The following SPATA7 variants were observed in gnomAD, a reference collection of about 807,000 sequenced individuals.
SPATA7 encodes the protein spermatogenesis-associated protein 7.
SPATA7 carries 43 observed loss-of-function variants against 51.8 expected under a neutral mutation model. That is an observed-to-expected ratio of 0.83 (90% CI 0.65 to 1.07). The LOEUF is 1.07. Among genes scored for constraint, SPATA7 ranks in the 50% least tolerant of loss-of-function variants. SPATA7 has a pLI of 0.00. For synonymous variants in SPATA7, 230 were observed against 252.8 expected (o/e 0.91, Z 0.86); for missense variants, 683 against 701.3 (o/e 0.97, Z 0.30).
At chr14:88,442,508 G>A (rs2077184389), downstream of SPATA7, among the ~76,000 whole-genome samples, 1 of 152,058 alleles carries the variant, frequency 6.6e-6, no homozygotes, top group African/African-American at 2.4e-5. Flanking sequence ...AAGGGATGCT[G>A]GATTTTGTCA....
At chr14:88,442,140 G>A (rs778855451), downstream of SPATA7, among the ~76,000 whole-genome samples, 15 of 151,700 alleles carry the variant, frequency 9.9e-5, no homozygotes, top group Non-Finnish European at 1.8e-4. Flanking sequence ...TACATTTCTG[G>A]GTTGTTTATT....
intron 10 of SPATA7, among the ~76,000 whole-genome samples, chr14:88,435,281 TTAA>T (rs1010054520): frequency 6.6e-5 from 10 of 152,176 alleles, no homozygotes; most frequent in African/African-American, 2.4e-4. Context: ...TTTAAATTTT[TTAA>T]TTATTTTTTA....
At chr14:88,428,633 T>G (rs1036748523) in intron 7 of SPATA7, 1 of 152,180 alleles carries the variant, frequency 6.6e-6, no homozygotes, top group Non-Finnish European at 1.5e-5. Context: ...TAGCTTGAAA[T>G]TTTTGGAAAG....
intron 4 of SPATA7, chr14:88,415,965 G>A (rs555276941): frequency 6.6e-6 from 1 of 152,274 alleles, no homozygotes; most frequent in African/African-American, 2.4e-5. Flanking sequence ...GCAAGATCTG[G>A]TTGTTTAAAA....
chr14:88,391,749 T>C (rs2075751944), intron 2 of SPATA7: 1 of 427,304 alleles, frequency 2.3e-6, no homozygotes, highest in South Asian at 2.1e-5. Flanking sequence ...ATACCTGCCT[T>C]GTTAAAATGG....
At chr14:88,451,088 A>G (rs763147903) in intron 3 of SPATA7, among the ~76,000 whole-genome samples, 8 of 152,226 alleles carry the variant, frequency 5.3e-5, no homozygotes, top group Admixed American at 2.0e-4. Flanking sequence ...GTTCAATTCT[A>G]TTGCTGAGAC....
At chr14:88,468,361 A>G (rs926973355) in intron 4 of SPATA7, 1 of 1,203,562 alleles carries the variant, frequency 8.3e-7, no homozygotes, top group African/African-American at 1.5e-5. Flanking sequence ...CCTGGTTGGG[A>G]GATGGACAGT....
intron 9 of SPATA7, 46 bp from the exon 10 acceptor site, chr14:88,433,089 T>A (rs751226805): frequency 1.4e-6 from 2 of 1,449,800 alleles, no homozygotes; most frequent in African/African-American, 1.4e-5. Context: ...GTTTTCAGAA[T>A]AAGTAAGGAA....
chr14:88,443,572 G>A (rs1248990603), intron 3 of SPATA7, among the ~76,000 whole-genome samples: 3 of 152,004 alleles, frequency 2.0e-5, no homozygotes, highest in African/African-American at 4.8e-5. Context: ...ATGCTGGTGC[G>A]CTGCACCCAC....
In SPATA7 at chr14:88,388,212, T is replaced by A. The variant is rs1347665206; in HGVS notation, c.19+2375T>A. Among the ~76,000 whole-genome samples, 6 of 152,020 alleles carry A rather than the reference T, an allele frequency of 3.9e-5. No individual in the cohort carries two copies. The East Asian group carries it at 9.7e-4, about 25-fold the overall frequency. On this transcript the variant is annotated intron_variant, in intron 1 of 11. Coordinates refer to ENST00000393545, the MANE Select transcript of SPATA7 (RefSeq NM_018418.5). Reference sequence around the variant, plus strand: ...GCAAGACTCCATCTCAAAAAAAAAATTGTTTTGATCTGTTGGTCTCATAGA... The same window carrying A: ...GCAAGACTCCATCTCAAAAAAAAAAATGTTTTGATCTGTTGGTCTCATAGA...
rs554860098 is a variant in SPATA7, at chr14:88,423,970, G to A, written c.373-2262G>A. ...CTGAGTTCTGTATTGTAAAATTCTT[G>A]ACATGAAAGTATGATGAGTATATAA... On this transcript the variant is annotated intron_variant, in intron 5 of 11. Coordinates refer to ENST00000393545, the MANE Select transcript of SPATA7 (RefSeq NM_018418.5). Among the ~76,000 whole-genome samples, 9 of 152,174 alleles carry A rather than the reference G, an allele frequency of 5.9e-5. No homozygotes were observed. The South Asian group carries it at 1.9e-3, about 32-fold the overall frequency.
chr14:88,404,474 T>A (rs886221413), intron 4 of SPATA7, among the ~76,000 whole-genome samples: 2 of 152,188 alleles, frequency 1.3e-5, no homozygotes, highest in African/African-American at 4.8e-5. Flanking sequence ...CCCAGCACTT[T>A]GGGAGGCCAA....
intron 1 of SPATA7, among the ~76,000 whole-genome samples, chr14:88,386,887 A>G (rs2075594774): frequency 6.6e-6 from 1 of 152,246 alleles, no homozygotes; most frequent in Non-Finnish European, 1.5e-5. Flanking sequence ...ATAACTATTC[A>G]TTGATCAGCA....
intron 3 of SPATA7, among the ~76,000 whole-genome samples, chr14:88,446,611 G>A (rs1420489212): frequency 2.0e-5 from 3 of 152,072 alleles, no homozygotes; most frequent in South Asian, 2.1e-4. Flanking sequence ...GCTTTCTCTT[G>A]TGGGCATTTA....
chr14:88,388,746 T>C (rs2075653505), intron 1 of SPATA7, among the ~76,000 whole-genome samples: 2 of 151,138 alleles, frequency 1.3e-5, no homozygotes, highest in African/African-American at 4.9e-5. Context: ...AACAAATTAA[T>C]GAATTAATTA....
At chr14:88,402,636 A>G (rs1021316916) in intron 4 of SPATA7, among the ~76,000 whole-genome samples, 5 of 152,080 alleles carry the variant, frequency 3.3e-5, no homozygotes, top group Non-Finnish European at 7.4e-5. Flanking sequence ...ACAAAAATCA[A>G]CTCATACAAA....
chr14:88,466,947 T>A (rs1246956330), intron 4 of SPATA7: 2 of 152,166 alleles, frequency 1.3e-5, no homozygotes, highest in Admixed American at 6.5e-5. Context: ...ATGCTGAATT[T>A]ATTTATGAAA....
Position 88,433,139 on chromosome 14 carries a change from G to A in SPATA7, c.1087G>A (p.Glu363Lys), listed in dbSNP as rs1375333872. Residue 363 changes from glutamate (E) to lysine (K), a missense_variant, in exon 10 of 12, where the codon GAA becomes AAA. By Grantham distance (56) the Glu-to-Lys change is moderately conservative (BLOSUM62 1). Coordinates refer to ENST00000393545, the MANE Select transcript of SPATA7 (RefSeq NM_018418.5). Reference sequence around the variant, plus strand: ...TATATTGCCTTCCTTTTACAGTGAAGAAGAACTGTTGTATCTGAGTTTCAT... The same window carrying A: ...TATATTGCCTTCCTTTTACAGTGAAAAAGAACTGTTGTATCTGAGTTTCAT... ...PSTRKIYSDE[E>K]ELLYLSFIED... 4 of 1,610,988 alleles carry A rather than the reference G, an allele frequency of 2.5e-6. No homozygotes were observed. Among genetic ancestry groups the A allele is most frequent in the African/African-American group, 1.3e-5 (1 of 74,886 alleles).
chr14:88,400,765 G>T (rs767653156), intron 4 of SPATA7, among the ~76,000 whole-genome samples: 6 of 152,160 alleles, frequency 3.9e-5, no homozygotes, highest in Non-Finnish European at 7.3e-5. Flanking sequence ...AATCCAGGAG[G>T]TGGAGGTTGC....
Sources: gnomAD v4.1 joint callset for allele counts (sites outside exome capture counted in the v4.1 genomes callset) on GRCh38, gnomAD v4.1.1 for gene constraint, MANE v1.5 for transcripts, NCBI Gene and HGNC (gene_info 2026-07-23, HGNC 2026-07-21) for gene names.